Variants in RASGRF2 observed in about 807,000 individuals in gnomAD.
The protein encoded by RASGRF2 is Ras protein specific guanine nucleotide releasing factor 2.
RASGRF2 carries 76 observed loss-of-function variants against 151.0 expected under a neutral mutation model. The ratio of observed to expected loss-of-function variants is 0.50; its 90% CI spans 0.42 to 0.61. The LOEUF is 0.61. RASGRF2 is among the 20% of genes least tolerant of loss of function. The pLI, the probability that RASGRF2 is intolerant of heterozygous loss-of-function variation, is 0.00. For synonymous variants in RASGRF2, 504 were observed against 566.5 expected (o/e 0.89, Z 1.57); for missense variants, 1,148 against 1,564.6 (o/e 0.73, Z 4.49).
chr5:81,187,827 A>G (rs1755065025), intron 18 of RASGRF2, among the ~76,000 whole-genome samples: 1 of 152,164 alleles, frequency 6.6e-6, no homozygotes, highest in Admixed American at 6.5e-5. Context: ...TCTTATTTTG[A>G]CAGATGACAG....
intron 1 of RASGRF2, among the ~76,000 whole-genome samples, chr5:80,980,828 G>T (rs777518415): frequency 6.6e-6 from 1 of 152,092 alleles, no homozygotes; most frequent in Admixed American, 6.6e-5. Flanking sequence ...TGTAGGGAGC[G>T]TCTCTGTAAT....
At position 81,112,781 on chromosome 5, in the gene RASGRF2, T is replaced by C. The variant is rs144598377; in HGVS notation, c.2010T>C (p.Arg670=). Reference sequence around the variant, plus strand: ...TCAACACCTTTCTGCACACCTATCGTATTTTCACTACTGCCGCTGTGGTGC... The same window carrying C: ...TCAACACCTTTCTGCACACCTATCGCATTTTCACTACTGCCGCTGTGGTGC... ...DFLNTFLHTY[R]IFTTAAVVLG... is the part of the protein sequence containing the mutation. Residue 670 remains arginine, a synonymous_variant, in exon 14 of 27, where the codon CGT becomes CGC. Coordinates refer to ENST00000265080, the MANE Select transcript of RASGRF2 (RefSeq NM_006909.3). The C allele has an allele frequency of 8.3e-4, 1,333 of 1,614,122 alleles. 3 individuals are homozygous for C. Among genetic ancestry groups the C allele is most frequent in the Non-Finnish European group, 9.9e-4 (1,170 of 1,180,046 alleles).
chr5:81,085,732 G>A, intron 7 of RASGRF2, 70 bp from the exon 8 acceptor site: 1 of 1,580,020 alleles, frequency 6.3e-7, no homozygotes. Flanking sequence ...AAGCAATGAT[G>A]GCCCTGCGGA....
chr5:81,058,172 A>T (rs1297568433), intron 2 of RASGRF2, among the ~76,000 whole-genome samples: 1 of 152,074 alleles, frequency 6.6e-6, no homozygotes, highest in Non-Finnish European at 1.5e-5. Flanking sequence ...TTATGCTTTC[A>T]CCAAGTGGAT....
At position 81,123,663 on chromosome 5, in the gene RASGRF2, C is replaced by T. The variant is rs773530333; in HGVS notation, c.2492C>T (p.Ala831Val). 26 of 1,613,760 alleles carry T rather than the reference C, an allele frequency of 1.6e-5. No individual in the cohort carries two copies. The highest frequency in any genetic ancestry group is 1.3e-4 in the South Asian group (12 of 91,048). Residue 831 changes from alanine (A) to valine (V), a missense_variant, in exon 16 of 27, where the codon GCG (alanine) becomes GTG (valine). This residue lies in a region of RASGRF2 where 646 missense variants were observed against 807.4 expected (regional missense o/e 0.80). Coordinates refer to ENST00000265080, the MANE Select transcript of RASGRF2 (RefSeq NM_006909.3). ...GCAGCAGTCCTAGAGTCTGCACCAG[C>T]GGACCGAGCAGGAGTGGAAAGCTCC... Reference protein sequence around the residue: ...IQKAVLESAPADRAGVESSPA... With the variant: ...IQKAVLESAPVDRAGVESSPA...
At chr5:80,970,217 A>C (rs1747886697) in intron 1 of RASGRF2, among the ~76,000 whole-genome samples, 1 of 152,200 alleles carries the variant, frequency 6.6e-6, no homozygotes, top group Admixed American at 6.5e-5. Flanking sequence ...GGTCAATATT[A>C]TTTTAGGGCA....
At chr5:81,054,193 C>T (rs1331057283) in intron 2 of RASGRF2, among the ~76,000 whole-genome samples, 1 of 152,230 alleles carries the variant, frequency 6.6e-6, no homozygotes, top group Admixed American at 6.5e-5. Flanking sequence ...GACATGAAGT[C>T]GTTGCCCGTG....
intron 17 of RASGRF2, among the ~76,000 whole-genome samples, chr5:81,168,292 GTCTTTTTTTTTCTTC>G (rs1754560677): frequency 7.2e-6 from 1 of 139,476 alleles, no homozygotes; most frequent in African/African-American, 2.7e-5. Context: ...GCATGCCAGC[GTCTTTTTTTTTCTTC>G]TCTTTTTTTT....
chr5:81,113,375 G>C, intron 14 of RASGRF2, 163 bp from the exon 15 acceptor site: 1 of 801,266 alleles, frequency 1.2e-6, no homozygotes, highest in Non-Finnish European at 1.9e-6. Flanking sequence ...TGCTTCTTTG[G>C]CAGGTGGAGG....
At chr5:81,037,409 T>C (rs910024717) in intron 1 of RASGRF2, among the ~76,000 whole-genome samples, 10 of 152,258 alleles carry the variant, frequency 6.6e-5, no homozygotes, top group African/African-American at 1.7e-4. Context: ...GCAACTTCAA[T>C]GCTATCCTAA....
chr5:81,217,537 GTAA>G (rs1275384928), intron 25 of RASGRF2, 64 bp downstream of exon 25: 1 of 511,042 alleles, frequency 2.0e-6, no homozygotes. Flanking sequence ...AAGAGGCTAA[GTAA>G]TAAAAGTCAA....
chr5:81,109,265 CA>C (rs1752932072), intron 13 of RASGRF2, among the ~76,000 whole-genome samples, 187 bp downstream of exon 13: 1 of 152,206 alleles, frequency 6.6e-6, no homozygotes, highest in African/African-American at 2.4e-5. Context: ...TTCACATTCA[CA>C]GTTTATTAAC....
intron 17 of RASGRF2, among the ~76,000 whole-genome samples, chr5:81,156,621 A>G (rs914088182): frequency 6.6e-6 from 1 of 152,234 alleles, no homozygotes; most frequent in Non-Finnish European, 1.5e-5. Flanking sequence ...TAGATAAAAC[A>G]TTGCAAAATA....
At chr5:80,961,154 T>G (rs888820) in intron 1 of RASGRF2, 128 bp downstream of exon 1, 256,060 of 1,094,688 alleles carry the variant, frequency 0.23, 32,032 homozygotes, top group Middle Eastern at 0.29. Flanking sequence ...TCCCCCCGCG[T>G]CACCAGTGGC....
At chr5:81,104,922 C>T (rs555981508) in intron 12 of RASGRF2, among the ~76,000 whole-genome samples, 27 of 152,172 alleles carry the variant, frequency 1.8e-4, no homozygotes, top group Non-Finnish European at 3.8e-4. Flanking sequence ...GGTTACACAT[C>T]GTGGCTTGTG....
intron 1 of RASGRF2, among the ~76,000 whole-genome samples, chr5:80,995,317 C>T (rs1262383920): frequency 6.6e-6 from 1 of 150,682 alleles, no homozygotes; most frequent in Non-Finnish European, 1.5e-5. Flanking sequence ...CTAACTCCAG[C>T]TCTAAGCAAC....
At chr5:80,969,401 T>C (rs1747833925) in intron 1 of RASGRF2, among the ~76,000 whole-genome samples, 1 of 151,750 alleles carries the variant, frequency 6.6e-6, no homozygotes, top group African/African-American at 2.4e-5. Flanking sequence ...CCCAAAGTGT[T>C]GGGTTTACAG....
chr5:81,198,682 G>A (rs946983424), intron 18 of RASGRF2, among the ~76,000 whole-genome samples: 3 of 152,056 alleles, frequency 2.0e-5, no homozygotes, highest in Admixed American at 6.6e-5. Flanking sequence ...CTCATGATCC[G>A]CCCGCCTCAG....
At chr5:81,211,164 A>G (rs1197261529) in intron 22 of RASGRF2, among the ~76,000 whole-genome samples, 1 of 140,100 alleles carries the variant, frequency 7.1e-6, no homozygotes, top group Non-Finnish European at 1.5e-5. Context: ...AAAAAAAAAG[A>G]CTCAGTGCAG....
Sources: allele counts gnomAD v4.1 joint callset (sites outside exome capture counted in the v4.1 genomes callset), GRCh38; gene constraint gnomAD v4.1.1; regional missense constraint gnomAD v4.1.1; transcripts MANE v1.5; gene names NCBI Gene and HGNC (gene_info 2026-07-23, HGNC 2026-07-21).